The following ADGRF5 variants were observed in gnomAD, a reference collection of about 807,000 sequenced individuals.
ADGRF5 encodes the protein adhesion G protein-coupled receptor F5, also known as G-protein coupled receptor 116.
A neutral mutation model predicts 132.3 loss-of-function variants in ADGRF5; 75 were observed. The ratio of observed to expected loss-of-function variants is 0.57; its 90% CI spans 0.47 to 0.69. The LOEUF is 0.69. Ranked by LOEUF, ADGRF5 falls within the 30% of genes least tolerant of loss-of-function variation. ADGRF5 has a pLI of 0.00. For missense variants in ADGRF5, 1,516 were observed against 1,630.6 expected (o/e 0.93, Z 1.21); for synonymous variants, 629 against 597.6 (o/e 1.05, Z -0.77).
intron 10 of ADGRF5, among the ~76,000 whole-genome samples, chr6:46,874,472 G>T (rs9472891): frequency 0.032 from 4,822 of 152,286 alleles, 258 homozygotes; most frequent in African/African-American, 0.11. Flanking sequence ...CAGTGGGTAG[G>T]TTCCATAAGA....
rs1581916169 is a variant in ADGRF5, at chr6:46,900,079, A to G, written c.107T>C (p.Leu36Pro). 1 of 1,611,302 alleles carries G rather than the reference A, an allele frequency of 6.2e-7. No individual in the cohort carries two copies. The highest frequency in any genetic ancestry group is 1.1e-5 in the South Asian group (1 of 91,008). ...NYESTIHPLSLHEHEPAGEEA... is the reference protein window; with the variant it reads ...NYESTIHPLSPHEHEPAGEEA... ...TTCACCAGCTGGTTCATGTTCATGAAGACTCTGAAAAGAACATTTGAGAAA... is the reference window on the plus strand; with the variant it reads ...TTCACCAGCTGGTTCATGTTCATGAGGACTCTGAAAAGAACATTTGAGAAA... Residue 36 changes from leucine to proline, a missense_variant, in exon 3 of 21, where the codon CTT becomes CCT. By Grantham distance (98) the Leu-to-Pro change is moderately conservative (BLOSUM62 -3). This residue lies in a region of ADGRF5 where 945 missense variants were observed against 929.4 expected (regional missense o/e 1.02). Transcript: ENST00000283296.
At chr6:46,888,968 G>A (rs1188805858) in intron 3 of ADGRF5, among the ~76,000 whole-genome samples, 6 of 152,020 alleles carry the variant, frequency 3.9e-5, no homozygotes, top group Non-Finnish European at 4.4e-5. Flanking sequence ...CTCTTCCTCT[G>A]TATCTCCAGT....
At chr6:46,938,420 A>G (rs1777929099) in intron 1 of ADGRF5, among the ~76,000 whole-genome samples, 1 of 152,196 alleles carries the variant, frequency 6.6e-6, no homozygotes. Context: ...TCATCTTGGA[A>G]GCCAATGAGA....
Position 46,859,091 on chromosome 6 carries a change from T to C in ADGRF5, c.2812A>G (p.Ile938Val). The C allele has an allele frequency of 6.2e-7, 1 of 1,614,014 alleles. No homozygotes were observed. Among genetic ancestry groups the C allele is most frequent in the Admixed American group, 1.7e-5 (1 of 60,026 alleles). Residue 938 changes from isoleucine (I) to valine (V), a missense_variant, in exon 17 of 21, where the codon ATT becomes GTT. Coordinates refer to ENST00000283296, the MANE Select transcript of ADGRF5 (RefSeq NM_001098518.2). ...CTATTGTTCTTAAAAGTCATTGAAA[T>C]CCTGAATGGCATAGTTGTATTGTGG... ...VSHNTTMPFR[I>V]SMTFKNNSPS...
chr6:46,929,772 G>C (rs1286408758), intron 1 of ADGRF5, among the ~76,000 whole-genome samples: 6 of 151,902 alleles, frequency 3.9e-5, no homozygotes, highest in Non-Finnish European at 7.4e-5. Flanking sequence ...TTAGCTCAAT[G>C]TTTCCAGGGC....
At chr6:46,899,183 G>A (rs747505029) in intron 3 of ADGRF5, among the ~76,000 whole-genome samples, 5 of 152,104 alleles carry the variant, frequency 3.3e-5, no homozygotes, top group Admixed American at 6.5e-5. Flanking sequence ...TTCAGTGGGG[G>A]TCTCCCAGAT....
intron 1 of ADGRF5, among the ~76,000 whole-genome samples, chr6:46,914,192 TAC>T (rs1464372064): frequency 6.6e-6 from 1 of 152,164 alleles, no homozygotes; most frequent in Non-Finnish European, 1.5e-5. Flanking sequence ...CTCCATGAGA[TAC>T]AGAGTTGCAA....
chr6:46,898,342 T>C (rs1006428725), intron 3 of ADGRF5, among the ~76,000 whole-genome samples: 6 of 152,178 alleles, frequency 3.9e-5, no homozygotes, highest in African/African-American at 1.4e-4. Flanking sequence ...GCCAAAGTCT[T>C]TCAAAATACC....
intron 10 of ADGRF5, among the ~76,000 whole-genome samples, chr6:46,877,225 C>CTCCTTCTT (rs1554200285): frequency 7.6e-6 from 1 of 131,682 alleles, no homozygotes; most frequent in African/African-American, 2.7e-5. Context: ...TTTATTTCCT[C>CTCCTTCTT]TCTTTCTTTC....
intron 15 of ADGRF5, among the ~76,000 whole-genome samples, chr6:46,862,071 G>A (rs1467484000): frequency 4.6e-5 from 7 of 151,970 alleles, no homozygotes; most frequent in Admixed American, 3.9e-4. Context: ...ATCATGCTTT[G>A]CACATAGTAG....
upstream of ADGRF5, among the ~76,000 whole-genome samples, chr6:46,923,685 T>G (rs1777110280): frequency 6.6e-6 from 1 of 152,198 alleles, no homozygotes; most frequent in African/African-American, 2.4e-5. Context: ...GCTGTCCCTT[T>G]CCTTCCCTGA....
At chr6:46,936,833 A>G (rs725548) in intron 1 of ADGRF5, among the ~76,000 whole-genome samples, 322 of 152,246 alleles carry the variant, frequency 2.1e-3, no homozygotes, top group African/African-American at 6.8e-3. Context: ...GTATGGAAGC[A>G]CTGGAGAGCT....
chr6:46,898,807 C>T (rs1774442800), intron 3 of ADGRF5, among the ~76,000 whole-genome samples: 1 of 152,140 alleles, frequency 6.6e-6, no homozygotes, highest in East Asian at 1.9e-4. Flanking sequence ...AAAATGATTC[C>T]ATCCTAATGT....
In ADGRF5 at chr6:46,856,075, A is replaced by T. The variant is rs1260349287; in HGVS notation, c.3877-17T>A. The T allele has an allele frequency of 7.0e-7, 1 of 1,438,660 alleles. No homozygotes were observed. Among genetic ancestry groups the T allele is most frequent in the Non-Finnish European group, 9.8e-7 (1 of 1,022,264 alleles). The allele number at this position is 1,438,660 out of a possible 1,614,324, so 89.1% of individuals were successfully genotyped here. ...GGATGTTGACTAGAAGAGAGAAAAA[A>T]AGGGACAATCACAAAGCAAATTTGT... On this transcript the variant is annotated splice_polypyrimidine_tract_variant and intron_variant, in intron 19 of 20. Coordinates refer to ENST00000283296, the MANE Select transcript of ADGRF5 (RefSeq NM_001098518.2).
chr6:46,852,650 C>T lies in ADGRF5; in HGVS notation c.*1342G>A, dbSNP rs1223028352. 2.6e-5 allele frequency: 4 copies of T among 150,964 alleles called. No individual in the cohort carries two copies. The highest frequency in any genetic ancestry group is 9.9e-5 in the African/African-American group (4 of 40,290). The allele number at this position is 150,964 out of a possible 1,614,324, so 9.4% of individuals were successfully genotyped here. The stretch of plus-strand genomic sequence containing the variant: ...GAAATACACACCAAAAAAAAGCACA[C>T]ATGCAGATAATTCACAAACAATCAA... On this transcript the variant is annotated 3_prime_UTR_variant, in exon 21 of 21. Transcript: ENST00000283296.
chr6:46,925,345 T>G (rs930010894), upstream of ADGRF5, among the ~76,000 whole-genome samples: 4 of 152,246 alleles, frequency 2.6e-5, no homozygotes, highest in African/African-American at 9.6e-5. Context: ...CAGCCATATC[T>G]TACATTTCAT....
intron 12 of ADGRF5, among the ~76,000 whole-genome samples, chr6:46,867,803 GA>G (rs1770617879): frequency 6.6e-6 from 1 of 152,034 alleles, no homozygotes; most frequent in Non-Finnish European, 1.5e-5. Flanking sequence ...CTGCGGGGGG[GA>G]AGAGGGAATT....
chr6:46,899,092 G>A (rs918437672), intron 3 of ADGRF5, among the ~76,000 whole-genome samples: 1 of 152,124 alleles, frequency 6.6e-6, no homozygotes, highest in African/African-American at 2.4e-5. Flanking sequence ...AAGGGGAATG[G>A]GAACCCAGGA....
In ADGRF5 at chr6:46,860,770, T is replaced by C. The variant is rs1769648010; in HGVS notation, c.2324A>G (p.Asn775Ser). Residue 775 changes from asparagine to serine, a missense_variant, in exon 16 of 21, where the codon AAC becomes AGC. By Grantham distance (46) the Asn-to-Ser change is conservative. Transcript: ENST00000283296. ...SSPGSLGAII[N>S]ILDLLSTVPT... ...AACTGTTGAGAGCAGATCAAGGATG[T>C]TAATAATGGCTCCCAGACTCCCAGG... 6.2e-7 allele frequency: 1 copy of C among 1,613,830 alleles called. No homozygotes were observed. The highest frequency in any genetic ancestry group is 1.1e-5 in the South Asian group (1 of 91,076).
Sources: gnomAD v4.1 joint callset for allele counts (sites outside exome capture counted in the v4.1 genomes callset) on GRCh38, gnomAD v4.1.1 for gene constraint, gnomAD v4.1.1 regional missense constraint, MANE v1.5 for transcripts, NCBI Gene and HGNC (gene_info 2026-07-23, HGNC 2026-07-21) for gene names.